The following PDXK variants were observed in gnomAD, a reference collection of about 807,000 sequenced individuals.
The protein encoded by PDXK is pyridoxal kinase, also known as epididymis secretory sperm binding protein Li 1a.
A neutral mutation model predicts 43.2 loss-of-function variants in PDXK; 15 were observed. That is an observed-to-expected ratio of 0.35 (90% CI 0.23 to 0.53). The LOEUF is 0.53. PDXK is among the 20% of genes least tolerant of loss of function. PDXK has a pLI of 0.92. For missense variants in PDXK, 343 were observed against 417.0 expected (o/e 0.82, Z 1.54); for synonymous variants, 172 against 165.4 (o/e 1.04, Z -0.31).
At chr21:43,750,787 T>TGA (rs769283996) in intron 7 of PDXK, among the ~76,000 whole-genome samples, 1 of 146,646 alleles carries the variant, frequency 6.8e-6, no homozygotes, top group African/African-American at 2.6e-5. Context: ...TGTGTGGGTG[T>TGA]GTGTGTGGAT....
chr21:43,728,381 C>T (rs768122963), intron 1 of PDXK, among the ~76,000 whole-genome samples: 3 of 152,152 alleles, frequency 2.0e-5, no homozygotes, highest in Non-Finnish European at 2.9e-5. Flanking sequence ...GCAAAATAAG[C>T]TAAAGGGAGG....
intron 2 of PDXK, chr21:43,740,967 A>C (rs2083490335): frequency 6.9e-6 from 1 of 145,174 alleles, no homozygotes; most frequent in Non-Finnish European, 1.5e-5. Flanking sequence ...GAAACAAGAG[A>C]CTGTGACGTT....
chr21:43,719,936 G>A (rs1038300790), intron 1 of PDXK: 3 of 985,314 alleles, frequency 3.0e-6, no homozygotes, highest in Non-Finnish European at 3.6e-6. Context: ...GCCTGACCAC[G>A]CCAGGAGGTG....
rs538341672 is a variant in PDXK at position 43,753,433 on chromosome 21, G to A, written c.623-150G>A. 1.0e-4 allele frequency: 67 copies of A among 644,634 alleles called. No homozygotes were observed. In the African/African-American group the frequency reaches 1.2e-3, roughly 12 times the overall value. 39.9% of individuals were successfully genotyped at this position (644,634 alleles called of 1,614,324 possible). A position where few individuals can be genotyped will look rare whatever the true frequency, so the allele number is the denominator to read the frequency against. ...CTGCGGTGATGGGGACCCCATGCAT[G>A]CCCTGAGCCCCCACGTCCTGAGCAA... is the stretch of plus-strand genomic sequence containing the variant. On this transcript the variant is annotated intron_variant, in intron 8 of 10. Transcript: ENST00000291565.
chr21:43,731,695 G>C (rs1474543934), intron 1 of PDXK, among the ~76,000 whole-genome samples: 1 of 148,678 alleles, frequency 6.7e-6, no homozygotes, highest in Non-Finnish European at 1.5e-5. Flanking sequence ...CTGAACCTTG[G>C]ACCAAGAACC....
chr21:43,741,648 TG>T lies in PDXK; in HGVS notation c.143-17del, dbSNP rs2083533379. The T allele has an allele frequency of 6.2e-7, 1 of 1,606,648 alleles. No homozygotes were observed. The highest frequency in any genetic ancestry group is 8.5e-7 in the Non-Finnish European group (1 of 1,174,416). On this transcript the variant is annotated intron_variant, in intron 2 of 10. Transcript: ENST00000291565. ...TGGCCCCCTTGTGTCTGAGCCCCCA[TG>T]GCTTCCTCTGCCTCTAGGCTATGCC... is the stretch of plus-strand genomic sequence containing the variant.
rs1362110003 is a variant in PDXK at position 43,758,106 on chromosome 21, C to T, written c.*2043C>T. 1 of 153,594 alleles carries T rather than the reference C, an allele frequency of 6.5e-6. No individual in the cohort carries two copies. Among genetic ancestry groups the T allele is most frequent in the African/African-American group, 2.4e-5 (1 of 41,382 alleles). 9.5% of individuals were successfully genotyped at this position (153,594 alleles called of 1,614,324 possible). A position where few individuals can be genotyped will look rare whatever the true frequency, so the allele number is the denominator to read the frequency against. On this transcript the variant is annotated 3_prime_UTR_variant, in exon 11 of 11. Transcript: ENST00000291565. ...TGAGAACGCAGTGTCAGGTGTGGGA[C>T]TCCTTCTGCCCCTGCAGTGGGTGTT...
intron 1 of PDXK, among the ~76,000 whole-genome samples, chr21:43,729,440 C>T (rs1342222782): frequency 2.0e-5 from 3 of 152,188 alleles, no homozygotes; most frequent in African/African-American, 4.8e-5. Flanking sequence ...TTACAGGATT[C>T]AGAAGGTGCC....
chr21:43,752,759 C>T, intron 8 of PDXK, 130 bp downstream of exon 8: 1 of 620,510 alleles, frequency 1.6e-6, no homozygotes, highest in South Asian at 1.9e-5. Flanking sequence ...GATGACACCC[C>T]CATTTTACAG....
chr21:43,747,216 C>T (rs183737745), intron 5 of PDXK: 4 of 152,396 alleles, frequency 2.6e-5, no homozygotes, highest in Admixed American at 2.0e-4. Context: ...ACCTGGACGT[C>T]GGATCAAGTG....
At chr21:43,731,215 T>C (rs2083313423) in intron 1 of PDXK, among the ~76,000 whole-genome samples, 1 of 152,214 alleles carries the variant, frequency 6.6e-6, no homozygotes, top group African/African-American at 2.4e-5. Flanking sequence ...GCCCAATCCA[T>C]CTTCAAAGCC....
At chr21:43,719,670 TCG>T in intron 1 of PDXK, 1 of 985,384 alleles carries the variant, frequency 1.0e-6, no homozygotes, top group Non-Finnish European at 1.2e-6. Context: ...CCGCTCGTCC[TCG>T]CCCCTTCCCG....
intron 1 of PDXK, chr21:43,719,978 T>G: frequency 1.1e-6 from 1 of 928,878 alleles, no homozygotes. Flanking sequence ...CAGGGGCTGC[T>G]CTGCACCCTC....
At position 43,719,282 on chromosome 21, in the gene PDXK, G is replaced by A; in HGVS notation, c.-13G>A. 3 of 1,433,616 alleles carry A rather than the reference G, an allele frequency of 2.1e-6. No homozygotes were observed. The highest frequency in any genetic ancestry group is 2.8e-6 in the Non-Finnish European group (3 of 1,086,300). The allele number at this position is 1,433,616 out of a possible 1,614,324, so 88.8% of individuals were successfully genotyped here. ...CCCCGCCTCGGCCCCGCGCCGCCGC[G>A]GCCAGGCCCGGCATGGAGGAGGAGT... On this transcript the variant is annotated 5_prime_UTR_variant, in exon 1 of 11. Transcript: ENST00000291565.
intron 1 of PDXK, among the ~76,000 whole-genome samples, 193 bp from the exon 2 acceptor site, chr21:43,733,876 C>G (rs2083360937): frequency 6.6e-6 from 1 of 152,274 alleles, no homozygotes; most frequent in African/African-American, 2.4e-5. Flanking sequence ...ACACAAGGCC[C>G]TGCCTGTGCA....
Position 43,753,707 on chromosome 21 carries a change from C to T in PDXK, c.747C>T (p.Pro249=). ...AMLLAWTHKH[P]NNLKVACEKT... ...TCCTGGCGTGGACACACAAGCACCC[C>T]AATAACCTCAAGGTCAGCCACACGC... The change falls in exon 9 of 11, where the codon CCC becomes CCT. Residue 249 remains proline, a synonymous_variant. Coordinates refer to ENST00000291565, the MANE Select transcript of PDXK (RefSeq NM_003681.5). 6.2e-7 allele frequency: 1 copy of T among 1,612,470 alleles called. No individual in the cohort carries two copies. The highest frequency in any genetic ancestry group is 8.5e-7 in the Non-Finnish European group (1 of 1,179,166).
chr21:43,733,843 G>A (rs2083360280), intron 1 of PDXK: 2 of 668,286 alleles, frequency 3.0e-6, no homozygotes, highest in East Asian at 2.8e-5. Flanking sequence ...TTGCTCCCCA[G>A]AGAGGGAAGC....
At chr21:43,750,592 G>T in intron 7 of PDXK, 47 bp downstream of exon 7, 1 of 1,474,870 alleles carries the variant, frequency 6.8e-7, no homozygotes, top group Non-Finnish European at 9.4e-7. Context: ...TGCCGCTCAC[G>T]GTGGGGACGG....
intron 5 of PDXK, among the ~76,000 whole-genome samples, chr21:43,747,427 G>A (rs1043061401): frequency 2.0e-5 from 3 of 152,268 alleles, no homozygotes; most frequent in Non-Finnish European, 2.9e-5. Context: ...TTCTCCACTG[G>A]CACAGGGCAC....
Sources: gnomAD v4.1 joint callset for allele counts (sites outside exome capture counted in the v4.1 genomes callset) on GRCh38, gnomAD v4.1.1 for gene constraint, MANE v1.5 for transcripts, NCBI Gene and HGNC (gene_info 2026-07-23, HGNC 2026-07-21) for gene names.